PRKACB: variants seen among roughly 807,000 people sequenced by gnomAD.
The protein encoded by PRKACB is cAMP-dependent protein kinase catalytic subunit beta.
PRKACB carries 16 observed loss-of-function variants against 51.4 expected under a neutral mutation model. The ratio of observed to expected loss-of-function variants is 0.31; its 90% CI spans 0.21 to 0.47. The LOEUF is 0.47. PRKACB is among the 20% of genes least tolerant of loss of function. The pLI is 1.00. For missense variants in PRKACB, 309 were observed against 464.5 expected (o/e 0.67, Z 3.08); for synonymous variants, 147 against 154.4 (o/e 0.95, Z 0.35).
chr1:84,207,048 A>G (rs1671440779), intron 8 of PRKACB, among the ~76,000 whole-genome samples: 1 of 152,234 alleles, frequency 6.6e-6, no homozygotes, highest in African/African-American at 2.4e-5. Context: ...GAGACTTAGA[A>G]GTATTCAGAA....
intron 1 of PRKACB, among the ~76,000 whole-genome samples, chr1:84,159,413 G>A (rs1655909844): frequency 6.6e-6 from 1 of 151,902 alleles, no homozygotes; most frequent in African/African-American, 2.4e-5. Flanking sequence ...ATTGTTTGTT[G>A]CTAGTATATA....
intron 1 of PRKACB, among the ~76,000 whole-genome samples, chr1:84,148,713 A>T (rs141459341): frequency 6.6e-6 from 1 of 152,214 alleles, no homozygotes; most frequent in East Asian, 1.9e-4. Flanking sequence ...GTGTATTTTT[A>T]TCATGATTTC....
At chr1:84,194,857 G>A (rs1310016368) in intron 5 of PRKACB, among the ~76,000 whole-genome samples, 1 of 152,132 alleles carries the variant, frequency 6.6e-6, no homozygotes, top group Non-Finnish European at 1.5e-5. Flanking sequence ...AAGATTGCAT[G>A]AGCCCAAGAG....
intron 8 of PRKACB, among the ~76,000 whole-genome samples, chr1:84,206,204 C>T (rs1671318543): frequency 6.6e-6 from 1 of 152,150 alleles, no homozygotes; most frequent in African/African-American, 2.4e-5. Context: ...TATTGTTCCA[C>T]TCCTAATGAG....
At chr1:84,137,661 G>A (rs371172869) in intron 1 of PRKACB, among the ~76,000 whole-genome samples, 7 of 152,184 alleles carry the variant, frequency 4.6e-5, no homozygotes, top group South Asian at 2.1e-4. Context: ...AGTGGAGTCC[G>A]TAAGACTGGA....
At chr1:84,195,417 C>T (rs1464473485) in intron 5 of PRKACB, among the ~76,000 whole-genome samples, 1 of 152,140 alleles carries the variant, frequency 6.6e-6, no homozygotes, top group African/African-American at 2.4e-5. Context: ...TTCATACCAA[C>T]CATCTTGAGG....
intron 1 of PRKACB, among the ~76,000 whole-genome samples, chr1:84,085,578 G>C (rs146514839): frequency 1.3e-5 from 2 of 152,310 alleles, no homozygotes; most frequent in African/African-American, 4.8e-5. Context: ...AAATGTGTGG[G>C]CAGAGAAGTG....
chr1:84,080,791 C>T (rs952162825), intron 1 of PRKACB, among the ~76,000 whole-genome samples: 4 of 150,758 alleles, frequency 2.7e-5, no homozygotes, highest in African/African-American at 9.9e-5. Context: ...TCCTGACCTC[C>T]GAAGAAGCTG....
intron 5 of PRKACB, among the ~76,000 whole-genome samples, chr1:84,189,601 C>T (rs776386412): frequency 2.0e-5 from 3 of 151,820 alleles, no homozygotes; most frequent in South Asian, 4.2e-4. Context: ...CAGCAAAAGC[C>T]GAACTTCTGA....
rs1662297972 is a variant in PRKACB at position 84,179,050 on chromosome 1, T to A, written c.188-127T>A. 3.7e-6 allele frequency: 4 copies of A among 1,086,254 alleles called. No individual in the cohort carries two copies. The Admixed American group carries it at 7.5e-5, about 20-fold the overall frequency. The allele number at this position is 1,086,254 out of a possible 1,614,324, so 67.3% of individuals were successfully genotyped here. ...CTCTTTAATGTATCATGGTGATAAA[T>A]ATACATTTTATCACAATAGATGACA... is the stretch of plus-strand genomic sequence containing the variant. On this transcript the variant is annotated intron_variant, in intron 1 of 9. Coordinates refer to ENST00000370685, the MANE Select transcript of PRKACB (RefSeq NM_182948.4).
intron 9 of PRKACB, among the ~76,000 whole-genome samples, chr1:84,229,771 A>G (rs1266144778): frequency 3.3e-5 from 5 of 150,972 alleles, no homozygotes; most frequent in African/African-American, 1.2e-4. Flanking sequence ...CCACTTTTTG[A>G]TGGGGTTGTT....
At chr1:84,079,853 A>G (rs1647387298) in intron 1 of PRKACB, among the ~76,000 whole-genome samples, 1 of 152,056 alleles carries the variant, frequency 6.6e-6, no homozygotes. Context: ...TTTAGTAGAG[A>G]CAGAGTTTCA....
intron 1 of PRKACB, among the ~76,000 whole-genome samples, chr1:84,083,799 A>G (rs182707539): frequency 1.3e-5 from 2 of 152,220 alleles, no homozygotes; most frequent in Admixed American, 1.3e-4. Flanking sequence ...TTAGGTCACT[A>G]TCATTTTGGG....
chr1:84,234,229 G>T (rs1473693993), intron 9 of PRKACB, among the ~76,000 whole-genome samples: 1 of 152,228 alleles, frequency 6.6e-6, no homozygotes, highest in African/African-American at 2.4e-5. Context: ...GCTGCTCAGG[G>T]GTCAGGGGTC....
At chr1:84,171,856 A>C (rs1270055403) in intron 1 of PRKACB, among the ~76,000 whole-genome samples, 1 of 151,646 alleles carries the variant, frequency 6.6e-6, no homozygotes, top group Non-Finnish European at 1.5e-5. Flanking sequence ...ATATATAAAC[A>C]TCGACTATGT....
At chr1:84,177,343 C>CA (rs1032545990) in intron 1 of PRKACB, among the ~76,000 whole-genome samples, 10 of 151,720 alleles carry the variant, frequency 6.6e-5, no homozygotes, top group Non-Finnish European at 1.2e-4. Context: ...CTGCTCCATG[C>CA]AAAAAAAGAA....
intron 1 of PRKACB, among the ~76,000 whole-genome samples, chr1:84,101,583 C>G (rs1392141272): frequency 6.6e-6 from 1 of 152,130 alleles, no homozygotes; most frequent in Non-Finnish European, 1.5e-5. Context: ...TCCTCATCTC[C>G]CATTACCACA....
intron 1 of PRKACB, among the ~76,000 whole-genome samples, chr1:84,128,988 A>G (rs1187570703): frequency 1.3e-5 from 2 of 152,192 alleles, no homozygotes; most frequent in African/African-American, 2.4e-5. Flanking sequence ...ACTAGTGACT[A>G]TAATATTGGA....
chr1:84,190,117 C>T (rs1398236159), intron 5 of PRKACB, among the ~76,000 whole-genome samples: 1 of 151,692 alleles, frequency 6.6e-6, no homozygotes, highest in African/African-American at 2.4e-5. Context: ...TTTCATACAA[C>T]ATATTTTTTT....
Sources: gnomAD v4.1 joint callset for allele counts (sites outside exome capture counted in the v4.1 genomes callset) on GRCh38, gnomAD v4.1.1 for gene constraint, MANE v1.5 for transcripts, NCBI Gene and HGNC (gene_info 2026-07-23, HGNC 2026-07-21) for gene names.